Variants in ZC3H3 observed in about 807,000 individuals in gnomAD.
The protein encoded by ZC3H3 is zinc finger CCCH domain-containing protein 3.
In ZC3H3, 36 loss-of-function variants were observed where a neutral mutation model predicts 77.3. The ratio of observed to expected loss-of-function variants is 0.47; its 90% CI spans 0.36 to 0.61. The LOEUF (loss-of-function observed/expected upper bound fraction) is 0.61, where lower values mean the gene tolerates loss of function less well. Ranked by LOEUF, ZC3H3 falls within the 20% of genes least tolerant of loss-of-function variation. The pLI is 0.00. For missense variants in ZC3H3, 1,331 were observed against 1,312.2 expected (o/e 1.01, Z -0.22); for synonymous variants, 626 against 555.2 (o/e 1.13, Z -1.79).
intron 8 of ZC3H3, among the ~76,000 whole-genome samples, chr8:143,466,469 C>T (rs977963981): frequency 6.6e-6 from 1 of 152,228 alleles, no homozygotes; most frequent in Admixed American, 6.5e-5. Context: ...GGGCCGCTGG[C>T]CACAGTCAGT....
intron 10 of ZC3H3, 33 bp from the exon 11 acceptor site, chr8:143,440,396 G>A (rs777035664): frequency 4.0e-6 from 6 of 1,497,250 alleles, no homozygotes; most frequent in Non-Finnish European, 5.3e-6. Flanking sequence ...CGTGTGAGGT[G>A]GGGTGACGGG....
chr8:143,464,284 A>C (rs1389129578), intron 9 of ZC3H3, among the ~76,000 whole-genome samples: 1 of 152,262 alleles, frequency 6.6e-6, no homozygotes, highest in Non-Finnish European at 1.5e-5. Flanking sequence ...ATTTAAATCG[A>C]AACATTTTAC....
chr8:143,476,393 TAGGCCGACAGACCCTG>T (rs1055816336), intron 4 of ZC3H3, among the ~76,000 whole-genome samples: 4 of 152,262 alleles, frequency 2.6e-5, no homozygotes, highest in African/African-American at 9.6e-5. Context: ...GGAAGAGACC[TAGGCCGACAGACCCTG>T]AGCCCTGGCA....
chr8:143,489,758 G>A (rs1469396705), intron 4 of ZC3H3, among the ~76,000 whole-genome samples: 1 of 152,180 alleles, frequency 6.6e-6, no homozygotes, highest in South Asian at 2.1e-4. Context: ...TTCCGGTGGA[G>A]GCTCCCACGC....
intron 9 of ZC3H3, among the ~76,000 whole-genome samples, chr8:143,455,394 G>A (rs1434408066): frequency 2.6e-5 from 4 of 151,988 alleles, no homozygotes; most frequent in African/African-American, 9.7e-5. Context: ...TACTTGGGAG[G>A]CTGAAGCAGG....
In ZC3H3 at chr8:143,475,607, G is replaced by A. The variant is rs376057215; in HGVS notation, c.1716-22C>T. ...GGACCTGCAGAGACAGGAAATGCCC[G>A]TCAAACCTGGCCCCAGGACAGACTA... On this transcript the variant is annotated intron_variant, in intron 4 of 11. Coordinates refer to ENST00000262577, the MANE Select transcript of ZC3H3 (RefSeq NM_015117.3). 6.0e-5 allele frequency: 93 copies of A among 1,560,322 alleles called. No homozygotes were observed. The East Asian group carries it at 6.5e-4, about 11-fold the overall frequency.
intron 4 of ZC3H3, among the ~76,000 whole-genome samples, chr8:143,506,986 G>A (rs1821716677): frequency 6.6e-6 from 1 of 152,254 alleles, no homozygotes; most frequent in African/African-American, 2.4e-5. Flanking sequence ...CCCGCGGGGA[G>A]GGTCAGAAGA....
At chr8:143,466,077 C>A (rs1016439622) in intron 8 of ZC3H3, among the ~76,000 whole-genome samples, 2 of 152,204 alleles carry the variant, frequency 1.3e-5, no homozygotes, top group African/African-American at 4.8e-5. Flanking sequence ...CCAGAGGAGG[C>A]ATGGAGCAGC....
At chr8:143,524,570 G>A (rs1822351615) in intron 3 of ZC3H3, among the ~76,000 whole-genome samples, 1 of 152,258 alleles carries the variant, frequency 6.6e-6, no homozygotes, top group Admixed American at 6.5e-5. Flanking sequence ...CAGGCAAGTC[G>A]CACAGAGGTG....
At chr8:143,508,021 C>T (rs978155768) in intron 3 of ZC3H3, 122 bp from the exon 4 acceptor site, 15 of 1,185,422 alleles carry the variant, frequency 1.3e-5, no homozygotes, top group African/African-American at 3.1e-5. Flanking sequence ...GACCCTCCAT[C>T]GCCCCGTGGA....
rs547990960 is a variant in ZC3H3 at position 143,451,782 on chromosome 8, T to TA, written c.2308-10663dup. ...CTGGGTGACAAAGTGAGACTCTGCCTAAAAAAAAAAAAAAAAGAAAAGAAA... is the reference window on the plus strand; with the variant it reads ...CTGGGTGACAAAGTGAGACTCTGCCTAAAAAAAAAAAAAAAAAGAAAAGAAA... On this transcript the variant is annotated intron_variant, in intron 9 of 11. Transcript: ENST00000262577. 5.2e-3 allele frequency among the ~76,000 whole-genome samples: 585 copies of TA among 112,450 alleles called. 2 individuals carry two copies. The highest frequency in any genetic ancestry group is 0.011 in the African/African-American group (335 of 30,240). 73.8% of individuals were successfully genotyped at this position (112,450 alleles called of 152,430 possible).
At chr8:143,481,419 A>G (rs1343679881) in intron 4 of ZC3H3, among the ~76,000 whole-genome samples, 1 of 151,734 alleles carries the variant, frequency 6.6e-6, no homozygotes, top group Admixed American at 6.6e-5. Context: ...GAACTCCGTG[A>G]GGTTGTGTCT....
At chr8:143,532,793 C>T (rs1822659900) in intron 3 of ZC3H3, among the ~76,000 whole-genome samples, 2 of 152,208 alleles carry the variant, frequency 1.3e-5, no homozygotes, top group South Asian at 4.1e-4. Context: ...GGGAGCCACT[C>T]AACAGCTTCC....
chr8:143,504,205 A>C (rs1821618216), intron 4 of ZC3H3, among the ~76,000 whole-genome samples: 1 of 152,150 alleles, frequency 6.6e-6, no homozygotes, highest in Non-Finnish European at 1.5e-5. Context: ...TCTCCAACCG[A>C]AAGCTGAGAG....
chr8:143,540,684 G>A (rs569958815), intron 1 of ZC3H3, among the ~76,000 whole-genome samples: 1 of 151,314 alleles, frequency 6.6e-6, no homozygotes, highest in South Asian at 2.1e-4. Flanking sequence ...GGCTGGGAGC[G>A]GTGGCTCATG....
rs1462015718 is a variant in ZC3H3 at position 143,460,965 on chromosome 8, GGA to G, written c.2307+4750_2307+4751del. Among the ~76,000 whole-genome samples the G allele has an allele frequency of 6.6e-6, 1 of 152,168 alleles. No individual in the cohort carries two copies. Among genetic ancestry groups the G allele is most frequent in the Admixed American group, 6.5e-5 (1 of 15,286 alleles). ...AACTAGGGTTTGGGAAGCGGGGAGT[GGA>G]GAGTCATTGCTGAATACTCAGTGTT... On this transcript the variant is annotated intron_variant, in intron 9 of 11. Transcript: ENST00000262577. The surrounding 1 kb of genome is among the most constrained non-coding windows in gnomAD (Gnocchi z 4.0).
rs1018668963 is a variant in ZC3H3, at chr8:143,536,434, T to C, written c.1384A>G (p.Ser462Gly). Residue 462 changes from serine to glycine, a missense_variant, in exon 3 of 12, where the codon AGC (serine) becomes GGC (glycine). Transcript: ENST00000262577. ...GCGGTGGCGGCAGGTGAGGTGCCGC[T>C]TTTCTTGTCTCCAGGAAGGCTGTGG... ...SSTSLPGDKKSGTSPAATAKS... is the reference protein window; with the variant it reads ...SSTSLPGDKKGGTSPAATAKS... 21 of 1,526,752 alleles carry C rather than the reference T, an allele frequency of 1.4e-5. No individual in the cohort carries two copies. The highest frequency in any genetic ancestry group is 1.9e-5 in the Non-Finnish European group (21 of 1,132,778). The allele number at this position is 1,526,752 out of a possible 1,614,324, so 94.6% of individuals were successfully genotyped here. A position where few individuals can be genotyped will look rare whatever the true frequency, so the allele number is the denominator to read the frequency against.
At chr8:143,467,854 G>A (rs1820454410) in intron 8 of ZC3H3, among the ~76,000 whole-genome samples, 1 of 151,854 alleles carries the variant, frequency 6.6e-6, no homozygotes, top group Non-Finnish European at 1.5e-5. Flanking sequence ...AGTCTGAAGA[G>A]GCCCTGAGGC....
chr8:143,541,280 G>T, intron 1 of ZC3H3, 96 bp downstream of exon 1: 1 of 1,579,086 alleles, frequency 6.3e-7, no homozygotes, highest in Non-Finnish European at 8.6e-7. Flanking sequence ...CAGAACACGC[G>T]GGCGGTGAGC....
Sources: gnomAD v4.1 joint callset for allele counts (sites outside exome capture counted in the v4.1 genomes callset) on GRCh38, gnomAD v4.1.1 for gene constraint, Gnocchi (gnomAD v3.1) non-coding constraint, MANE v1.5 for transcripts, NCBI Gene and HGNC (gene_info 2026-07-23, HGNC 2026-07-21) for gene names.